The following STK3 variants were observed in gnomAD, a reference collection of about 807,000 sequenced individuals.
The protein encoded by STK3 is serine/threonine kinase 3, also known as serine/threonine-protein kinase 3.
Under a neutral mutation model 58.0 loss-of-function variants are expected in STK3, and 41 were observed. The ratio of observed to expected loss-of-function variants is 0.71; its 90% CI spans 0.55 to 0.92. The LOEUF (loss-of-function observed/expected upper bound fraction) is 0.92. STK3 is among the 40% of genes least tolerant of loss of function. The pLI is 0.00. For synonymous variants in STK3, 170 were observed against 191.0 expected, an observed-to-expected ratio of 0.89 and a Z score of 0.91; for missense variants, 479 against 602.7, an observed-to-expected ratio of 0.79 and a Z score of 2.15.
intron 6 of STK3, among the ~76,000 whole-genome samples, chr8:98,661,166 T>C (rs188953643): frequency 2.9e-3 from 437 of 151,536 alleles, no homozygotes; most frequent in Non-Finnish European, 4.9e-3. Context: ...TACAATTCAA[T>C]AGGTAAATAC....
At chr8:98,413,623 G>T in intron 3 of STK3, 1 of 724,700 alleles carries the variant, frequency 1.4e-6, no homozygotes. Flanking sequence ...CAAAGACAAA[G>T]GTCTGCCAGT....
chr8:98,483,783 G>T (rs1321915888), intron 10 of STK3, among the ~76,000 whole-genome samples: 1 of 152,284 alleles, frequency 6.6e-6, no homozygotes, highest in East Asian at 1.9e-4. Flanking sequence ...TTAGGGTGTG[G>T]TGAATTATCT....
chr8:98,617,357 G>C (rs2130323849), intron 6 of STK3, among the ~76,000 whole-genome samples: 1 of 140,344 alleles, frequency 7.1e-6, no homozygotes, highest in South Asian at 2.6e-4. Context: ...ACAAGAGAAA[G>C]CAGGAAAGAT....
At chr8:98,806,784 G>A (rs556713009) in intron 1 of STK3, among the ~76,000 whole-genome samples, 2 of 152,072 alleles carry the variant, frequency 1.3e-5, no homozygotes, top group South Asian at 2.1e-4. Flanking sequence ...ACCAAGCAGA[G>A]GAAAGAATCA....
At chr8:98,852,527 T>C (rs1836512629) in intron 3 of STK3, among the ~76,000 whole-genome samples, 1 of 152,234 alleles carries the variant, frequency 6.6e-6, no homozygotes, top group Non-Finnish European at 1.5e-5. Flanking sequence ...TCTATCCCTA[T>C]ACCTATCTAC....
chr8:98,827,870 GACA>G (rs1020795314), upstream of STK3, among the ~76,000 whole-genome samples: 20 of 152,082 alleles, frequency 1.3e-4, no homozygotes, highest in African/African-American at 4.6e-4. Flanking sequence ...GAAATAACAG[GACA>G]ACAACAATTT....
chr8:98,798,910 A>G (rs1192410740), intron 1 of STK3, among the ~76,000 whole-genome samples: 1 of 152,210 alleles, frequency 6.6e-6, no homozygotes. Flanking sequence ...GTCCTTTCAC[A>G]ATGTGAAAAC....
chr8:98,654,840 C>T (rs1821338990), intron 6 of STK3, among the ~76,000 whole-genome samples: 2 of 152,104 alleles, frequency 1.3e-5, no homozygotes, highest in Admixed American at 6.5e-5. Context: ...AAAGAGGATA[C>T]AAACAAATGC....
intron 3 of STK3, among the ~76,000 whole-genome samples, chr8:98,418,641 A>G (rs1818137489): frequency 6.6e-6 from 1 of 152,146 alleles, no homozygotes; most frequent in African/African-American, 2.4e-5. Flanking sequence ...TGATAAAGAC[A>G]AACAGACCAG....
intron 10 of STK3, among the ~76,000 whole-genome samples, chr8:98,478,973 C>T (rs960238269): frequency 1.3e-5 from 2 of 152,180 alleles, no homozygotes; most frequent in Non-Finnish European, 2.9e-5. Flanking sequence ...GTACTTGCTG[C>T]TAAATACATC....
At chr8:98,736,486 ACT>A (rs989380069) in intron 4 of STK3, among the ~76,000 whole-genome samples, 3 of 152,064 alleles carry the variant, frequency 2.0e-5, no homozygotes, top group Non-Finnish European at 4.4e-5. Flanking sequence ...TAATACATAA[ACT>A]CTGTTTATAC....
At chr8:98,918,984 C>A (rs1401314915) in intron 1 of STK3, among the ~76,000 whole-genome samples, 1 of 151,648 alleles carries the variant, frequency 6.6e-6, no homozygotes, top group Non-Finnish European at 1.5e-5. Flanking sequence ...GTTAGGGGAG[C>A]TGGCTAAGGG....
chr8:98,590,548 C>A (rs1815211244), intron 7 of STK3, among the ~76,000 whole-genome samples: 1 of 152,118 alleles, frequency 6.6e-6, no homozygotes, highest in South Asian at 2.1e-4. Context: ...GGATCTTTCT[C>A]AAGGAGCAAA....
At chr8:98,913,670 T>C (rs1225937264) in intron 1 of STK3, among the ~76,000 whole-genome samples, 1 of 152,258 alleles carries the variant, frequency 6.6e-6, no homozygotes, top group African/African-American at 2.4e-5. Context: ...ATGTGCCCAC[T>C]CAGGTATTAA....
At chr8:98,610,805 GC>G (rs1817137380) in intron 6 of STK3, among the ~76,000 whole-genome samples, 1 of 152,134 alleles carries the variant, frequency 6.6e-6, no homozygotes, top group African/African-American at 2.4e-5. Flanking sequence ...CGGGCCTAGT[GC>G]CTATAATTGA....
chr8:98,346,154 G>A, the STK3 span, among the ~76,000 whole-genome samples: 1 of 151,768 alleles, frequency 6.6e-6, no homozygotes, highest in East Asian at 1.9e-4. Flanking sequence ...GCATGATCTT[G>A]GGTGCCTGTA....
At chr8:98,594,083 A>T (rs1428809552) in intron 7 of STK3, among the ~76,000 whole-genome samples, 1 of 152,178 alleles carries the variant, frequency 6.6e-6, no homozygotes. Context: ...CAAAGTGGGC[A>T]GATTACTTGA....
At chr8:98,492,931 T>G (rs534907043) in intron 10 of STK3, among the ~76,000 whole-genome samples, 5 of 152,228 alleles carry the variant, frequency 3.3e-5, no homozygotes, top group African/African-American at 1.2e-4. Flanking sequence ...TCTTTCAGCA[T>G]ATAAAAATCA....
intron 3 of STK3, among the ~76,000 whole-genome samples, chr8:98,860,126 C>T (rs1836872251): frequency 6.6e-6 from 1 of 152,172 alleles, no homozygotes; most frequent in Non-Finnish European, 1.5e-5. Context: ...AGCCACTTTT[C>T]TAGGTGCTGG....
Sources: gnomAD v4.1 joint callset for allele counts (sites outside exome capture counted in the v4.1 genomes callset) on GRCh38, gnomAD v4.1.1 for gene constraint, MANE v1.5 for transcripts, NCBI Gene and HGNC (gene_info 2026-07-23, HGNC 2026-07-21) for gene names.